MTAP: variants seen among roughly 807,000 people sequenced by gnomAD.
The protein encoded by MTAP is S-methyl-5'-thioadenosine phosphorylase.
Under a neutral mutation model 33.6 loss-of-function variants are expected in MTAP, and 33 were observed. The observed-to-expected ratio is 0.98, with a 90% confidence interval of 0.74 to 1.31. MTAP has a LOEUF of 1.31. Among genes scored for constraint, MTAP ranks in the 40% most tolerant of loss-of-function variants. MTAP has a pLI of 0.00. For missense variants in MTAP, 367 were observed against 360.0 expected (o/e 1.02, Z -0.16); for synonymous variants, 148 against 125.7 (o/e 1.18, Z -1.19).
In MTAP at chr9:21,836,205, A is replaced by C. The variant is rs542599167; in HGVS notation, c.348-1703A>C. 3.3e-5 allele frequency among the ~76,000 whole-genome samples: 5 copies of C among 152,298 alleles called. No individual in the cohort carries two copies. In the East Asian group the frequency reaches 9.6e-4, roughly 29 times the overall value. ...TTTTATGATTGGAAAATGAAGAATC[A>C]AAAAGATATGGCAATTTGGTTTAAG... is the stretch of plus-strand genomic sequence containing the variant. On this transcript the variant is annotated intron_variant, in intron 4 of 7. Coordinates refer to ENST00000644715, the MANE Select transcript of MTAP (RefSeq NM_002451.4).
At chr9:21,846,215 TC>T (rs1288019564) in intron 5 of MTAP, among the ~76,000 whole-genome samples, 2 of 152,042 alleles carry the variant, frequency 1.3e-5, no homozygotes, top group African/African-American at 4.8e-5. Context: ...GAGTTCATGA[TC>T]AACAACCCAA....
chr9:21,829,206 C>T (rs909526737), intron 4 of MTAP, among the ~76,000 whole-genome samples: 1 of 152,156 alleles, frequency 6.6e-6, no homozygotes, highest in African/African-American at 2.4e-5. Flanking sequence ...GTCATACCCA[C>T]AGCCCCAACT....
At chr9:21,879,379 T>A (rs907169073) in intron 1 of MTAP, among the ~76,000 whole-genome samples, 6 of 152,164 alleles carry the variant, frequency 3.9e-5, no homozygotes, top group Non-Finnish European at 7.4e-5. Flanking sequence ...CAACCCCTGC[T>A]TTTTTCTGAT....
intron 4 of MTAP, among the ~76,000 whole-genome samples, chr9:21,823,163 C>A (rs550551070): frequency 4.5e-4 from 68 of 152,254 alleles, no homozygotes; most frequent in African/African-American, 1.6e-3. Flanking sequence ...GAATTTGATC[C>A]TGTCACTATG....
At chr9:21,843,298 G>A (rs1825297626) in intron 5 of MTAP, among the ~76,000 whole-genome samples, 1 of 151,640 alleles carries the variant, frequency 6.6e-6, no homozygotes, top group Non-Finnish European at 1.5e-5. Context: ...TGACATAGAT[G>A]GTAACACAAT....
At chr9:21,839,008 A>G (rs952022940) in intron 5 of MTAP, among the ~76,000 whole-genome samples, 2 of 152,186 alleles carry the variant, frequency 1.3e-5, no homozygotes, top group South Asian at 2.1e-4. Flanking sequence ...ATTTCCTTAT[A>G]GTTAACAGCA....
intron 5 of MTAP, among the ~76,000 whole-genome samples, chr9:21,847,546 G>A (rs1428601208): frequency 6.6e-6 from 1 of 152,178 alleles, no homozygotes; most frequent in Non-Finnish European, 1.5e-5. Flanking sequence ...CATCACTCGT[G>A]AGAGGCAAGG....
intron 4 of MTAP, among the ~76,000 whole-genome samples, chr9:21,836,711 C>T (rs556097873): frequency 6.6e-6 from 1 of 152,324 alleles, no homozygotes; most frequent in Admixed American, 6.5e-5. Context: ...CTTAGCATTT[C>T]CCCTAAAGCG....
rs1303432670 is a variant in MTAP at position 21,866,918 on chromosome 9, T to C, written c.*4904T>C. On this transcript the variant is annotated 3_prime_UTR_variant, in exon 8 of 8. Transcript: ENST00000644715. ...TTGTAGTTTTAGTGAAGAAGTCTTG[T>C]ATATATCTTTTGTTAAATGTATTCC... 6.6e-6 allele frequency: 1 copy of C among 152,192 alleles called. No individual in the cohort carries two copies. The highest frequency in any genetic ancestry group is 2.4e-5 in the African/African-American group (1 of 41,466). The allele number at this position is 152,192 out of a possible 1,614,324, so 9.4% of individuals were successfully genotyped here.
chr9:21,900,759 A>G (rs1328230347), intron 1 of MTAP, among the ~76,000 whole-genome samples: 1 of 152,252 alleles, frequency 6.6e-6, no homozygotes, highest in Non-Finnish European at 1.5e-5. Context: ...AAGACATGGA[A>G]TCAACCTTGA....
chr9:21,811,989 G>A (rs546232629), intron 1 of MTAP: 6 of 302,970 alleles, frequency 2.0e-5, no homozygotes, highest in Non-Finnish European at 3.9e-5. Context: ...CTCCTTCATG[G>A]ACATGTGGCC....
chr9:21,821,994 A>G (rs1361235057), intron 4 of MTAP, among the ~76,000 whole-genome samples: 2 of 151,814 alleles, frequency 1.3e-5, no homozygotes, highest in Non-Finnish European at 2.9e-5. Flanking sequence ...ATCATTTTTT[A>G]TTGCATCTAT....
chr9:21,883,801 T>C lies in MTAP; in HGVS notation c.147+28931T>C, dbSNP rs182364451. Among the ~76,000 whole-genome samples, 19 of 151,768 alleles carry C rather than the reference T, an allele frequency of 1.3e-4. No individual in the cohort carries two copies. The South Asian group carries it at 1.9e-3, about 15-fold the overall frequency. The stretch of plus-strand genomic sequence containing the variant: ...GAAGCAGGCAATCAGCAATACCTAG[T>C]GTGGCCTGCAATAGGAAGCTGGGGA... On this transcript the variant is annotated intron_variant, in intron 1 of 1. Transcript: ENST00000577563.
In MTAP at chr9:21,915,016, C is replaced by T. The variant is rs989874473; in HGVS notation, c.148-15992C>T. ...TTTGTTTTCTTTCCTTCCTTCCTTC[C>T]TTCCTTCCTTCCTTCCTTCCTTCCT... On this transcript the variant is annotated intron_variant, in intron 1 of 1. Coordinates refer to the MTAP transcript ENST00000577563. Among the ~76,000 whole-genome samples, 172 of 93,238 alleles carry T rather than the reference C, an allele frequency of 1.8e-3. 5 individuals carry two copies. The East Asian group carries it at 0.036, about 20-fold the overall frequency. The allele number at this position is 93,238 out of a possible 152,430, so 61.2% of individuals were successfully genotyped here. A position where few individuals can be genotyped will look rare whatever the true frequency, so the allele number is the denominator to read the frequency against.
Position 21,865,518 on chromosome 9 carries a change from G to T in MTAP, c.*3504G>T. The T allele has an allele frequency of 1.0e-6, 1 of 985,554 alleles. No homozygotes were observed. The highest frequency in any genetic ancestry group is 1.7e-5 in the African/African-American group (1 of 57,340). 61.1% of individuals were successfully genotyped at this position (985,554 alleles called of 1,614,324 possible). A position where few individuals can be genotyped will look rare whatever the true frequency, so the allele number is the denominator to read the frequency against. On this transcript the variant is annotated 3_prime_UTR_variant, in exon 8 of 8. Transcript: ENST00000644715. ...ACAATCTGGCTCAATGTATATATTG[G>T]CCCAGCAAGGCAAAGAACTGAAGTT...
In MTAP at chr9:21,862,048, T is replaced by G; in HGVS notation, c.*34T>G. 1 of 1,609,680 alleles carries G rather than the reference T, an allele frequency of 6.2e-7. No individual in the cohort carries two copies. The highest frequency in any genetic ancestry group is 1.1e-5 in the South Asian group (1 of 89,264). On this transcript the variant is annotated 3_prime_UTR_variant, in exon 8 of 8. Transcript: ENST00000644715. ...GGCTGCCCAGGAGAAAAGAAGACATTCTAATTCCAGTCATTTTGGGAATTC... is the reference window on the plus strand; with the variant it reads ...GGCTGCCCAGGAGAAAAGAAGACATGCTAATTCCAGTCATTTTGGGAATTC...
At chr9:21,833,995 G>T (rs1366261329) in intron 4 of MTAP, among the ~76,000 whole-genome samples, 1 of 151,990 alleles carries the variant, frequency 6.6e-6, no homozygotes, top group Non-Finnish European at 1.5e-5. Context: ...CTTTTCCATA[G>T]GCTGTTTTTT....
chr9:21,914,643 G>A (rs555362372), intron 1 of MTAP, among the ~76,000 whole-genome samples: 2 of 135,534 alleles, frequency 1.5e-5, no homozygotes, highest in Non-Finnish European at 3.2e-5. Flanking sequence ...GGGTGGGGGT[G>A]GGGGGAGGGT....
At chr9:21,929,904 C>G (rs980795559) in intron 1 of MTAP, 1 of 379,622 alleles carries the variant, frequency 2.6e-6, no homozygotes. Context: ...GTTACTCTCT[C>G]TGTAGATTCT....
Sources: allele counts gnomAD v4.1 joint callset (sites outside exome capture counted in the v4.1 genomes callset), GRCh38; gene constraint gnomAD v4.1.1; transcripts MANE v1.5; gene names NCBI Gene and HGNC (gene_info 2026-07-23, HGNC 2026-07-21).